ZNF385D: variants seen among roughly 807,000 people sequenced by gnomAD.
The protein encoded by ZNF385D is zinc finger protein 385D, also known as zinc finger protein 659.
ZNF385D carries 15 observed loss-of-function variants against 35.8 expected under a neutral mutation model. That is an observed-to-expected ratio of 0.42 (90% CI 0.28 to 0.64). The LOEUF is 0.64. Among genes scored for constraint, ZNF385D ranks in the 30% least tolerant of loss-of-function variants. ZNF385D has a pLI of 0.23. For synonymous variants in ZNF385D, 212 were observed against 186.8 expected, an observed-to-expected ratio of 1.13 and a Z score of -1.10; for missense variants, 474 against 494.6, an observed-to-expected ratio of 0.96 and a Z score of 0.39.
intron 1 of ZNF385D, among the ~76,000 whole-genome samples, chr3:21,688,730 T>C (rs967043530): frequency 2.0e-5 from 3 of 152,180 alleles, no homozygotes; most frequent in African/African-American, 4.8e-5. Context: ...GAATGCAACA[T>C]GAAAACTAAA....
At position 21,612,614 on chromosome 3, in the gene ZNF385D, A is replaced by G. The variant is rs543874530; in HGVS notation, c.166-47930T>C. Among the ~76,000 whole-genome samples, 3 of 152,358 alleles carry G rather than the reference A, an allele frequency of 2.0e-5. No homozygotes were observed. The South Asian group carries it at 6.2e-4, about 32-fold the overall frequency. ...TTAGCTCTTATAACATATCAGTCACAGACATATAAAAGCAATGAGAAGTAA... is the reference window on the plus strand; with the variant it reads ...TTAGCTCTTATAACATATCAGTCACGGACATATAAAAGCAATGAGAAGTAA... On this transcript the variant is annotated intron_variant, in intron 2 of 7. Coordinates refer to ENST00000281523, the MANE Select transcript of ZNF385D (RefSeq NM_024697.3).
Position 21,450,957 on chromosome 3 carries a change from T to C in ZNF385D, c.440-13754A>G, listed in dbSNP as rs545237701. ...AGCCTGGAAGTTTAATTAACTTAAG[T>C]TGAATAGATCTGAATGAGAGAAATT... On this transcript the variant is annotated intron_variant, in intron 4 of 7. Coordinates refer to ENST00000281523, the MANE Select transcript of ZNF385D (RefSeq NM_024697.3). Among the ~76,000 whole-genome samples the C allele has an allele frequency of 2.0e-5, 3 of 152,306 alleles. No homozygotes were observed. The East Asian group carries it at 5.8e-4, about 29-fold the overall frequency.
At chr3:22,014,627 C>A (rs187457740) in intron 3 of ZNF385D, among the ~76,000 whole-genome samples, 4 of 151,688 alleles carry the variant, frequency 2.6e-5, no homozygotes, top group Admixed American at 2.0e-4. Flanking sequence ...AAAATTACCA[C>A]CATGAAAATT....
intron 2 of ZNF385D, among the ~76,000 whole-genome samples, chr3:22,221,363 G>T (rs1302147031): frequency 6.6e-6 from 1 of 151,832 alleles, no homozygotes; most frequent in African/African-American, 2.4e-5. Flanking sequence ...TCAATTCATG[G>T]CCAATCACAT....
At chr3:21,517,650 T>C (rs541255652) in intron 3 of ZNF385D, among the ~76,000 whole-genome samples, 11 of 152,196 alleles carry the variant, frequency 7.2e-5, no homozygotes, top group Non-Finnish European at 1.6e-4. Context: ...CTAGGCTGAT[T>C]GGAACCTGAG....
intron 2 of ZNF385D, among the ~76,000 whole-genome samples, chr3:21,629,874 A>C (rs1408687214): frequency 6.6e-6 from 1 of 152,184 alleles, no homozygotes; most frequent in Non-Finnish European, 1.5e-5. Context: ...TTGTATTCTG[A>C]CATCATTTCA....
intron 3 of ZNF385D, among the ~76,000 whole-genome samples, chr3:22,039,713 T>C (rs1453918155): frequency 6.6e-6 from 1 of 152,178 alleles, no homozygotes; most frequent in Non-Finnish European, 1.5e-5. Flanking sequence ...CCAGGATTCT[T>C]GGAGAGCCCG....
intron 2 of ZNF385D, among the ~76,000 whole-genome samples, chr3:21,581,906 A>C (rs1211743367): frequency 6.6e-6 from 1 of 152,152 alleles, no homozygotes; most frequent in Non-Finnish European, 1.5e-5. Context: ...CTCCTTAGGG[A>C]TGACTGAGAT....
intron 2 of ZNF385D, among the ~76,000 whole-genome samples, chr3:22,368,740 C>T (rs954439557): frequency 2.6e-5 from 4 of 152,108 alleles, no homozygotes; most frequent in Admixed American, 1.3e-4. Flanking sequence ...CTCATCTAAC[C>T]CGAATCATTT....
At chr3:21,633,496 A>G (rs1301739524) in intron 2 of ZNF385D, among the ~76,000 whole-genome samples, 3 of 150,730 alleles carry the variant, frequency 2.0e-5, no homozygotes, top group East Asian at 1.9e-4. Context: ...TTTAATACAC[A>G]TATCTGTATT....
At chr3:21,664,317 C>T (rs1266033101) in intron 2 of ZNF385D, among the ~76,000 whole-genome samples, 1 of 151,828 alleles carries the variant, frequency 6.6e-6, no homozygotes, top group African/African-American at 2.4e-5. Flanking sequence ...TGACAAAGCC[C>T]AAAGAAACAA....
intron 2 of ZNF385D, among the ~76,000 whole-genome samples, chr3:21,655,020 A>G (rs775759474): frequency 1.8e-4 from 27 of 151,996 alleles, no homozygotes; most frequent in Non-Finnish European, 2.8e-4. Flanking sequence ...TAGTTGTGAA[A>G]ATGGATTTTC....
intron 3 of ZNF385D, among the ~76,000 whole-genome samples, chr3:22,149,280 T>G (rs1357511611): frequency 6.6e-6 from 1 of 152,202 alleles, no homozygotes; most frequent in East Asian, 1.9e-4. Context: ...TTTTTCTTCC[T>G]GCTGATTGTA....
At chr3:22,312,463 G>T (rs1178099976) in intron 2 of ZNF385D, among the ~76,000 whole-genome samples, 2 of 151,864 alleles carry the variant, frequency 1.3e-5, no homozygotes, top group Non-Finnish European at 2.9e-5. Context: ...GAGTGAACAG[G>T]CAACCTACAG....
At chr3:21,623,600 C>A (rs1217898510) in intron 2 of ZNF385D, among the ~76,000 whole-genome samples, 1 of 151,960 alleles carries the variant, frequency 6.6e-6, no homozygotes, top group Admixed American at 6.6e-5. Flanking sequence ...ATTGAGCCCA[C>A]AATGAGCTAT....
chr3:21,897,065 A>G (rs978240133), intron 3 of ZNF385D, among the ~76,000 whole-genome samples: 1 of 152,132 alleles, frequency 6.6e-6, no homozygotes, highest in Admixed American at 6.5e-5. Flanking sequence ...TTATCACCCA[A>G]GTACACATGA....
intron 1 of ZNF385D, among the ~76,000 whole-genome samples, chr3:21,677,594 A>G (rs1407979378): frequency 6.6e-6 from 1 of 152,072 alleles, no homozygotes; most frequent in Non-Finnish European, 1.5e-5. Flanking sequence ...TCTAAGAGAG[A>G]AATTTAATTT....
At chr3:22,114,997 G>T (rs979375410) in intron 3 of ZNF385D, among the ~76,000 whole-genome samples, 28 of 152,012 alleles carry the variant, frequency 1.8e-4, no homozygotes, top group Admixed American at 1.3e-4. Flanking sequence ...CTCCAGAACT[G>T]CAAGAAATCA....
chr3:21,571,602 G>A (rs539580306), intron 2 of ZNF385D, among the ~76,000 whole-genome samples: 1 of 151,568 alleles, frequency 6.6e-6, no homozygotes, highest in African/African-American at 2.4e-5. Flanking sequence ...TAGACTCCAC[G>A]ATTTAAGGGC....
Sources: gnomAD v4.1 joint callset for allele counts (sites outside exome capture counted in the v4.1 genomes callset) on GRCh38, gnomAD v4.1.1 for gene constraint, MANE v1.5 for transcripts, NCBI Gene and HGNC (gene_info 2026-07-23, HGNC 2026-07-21) for gene names.